Variants in VPS41 observed in about 807,000 individuals in gnomAD.
VPS41 encodes the protein vacuolar protein sorting-associated protein 41 homolog.
A neutral mutation model predicts 130.9 loss-of-function variants in VPS41; 85 were observed. The observed-to-expected ratio is 0.65, with a 90% CI of 0.55 to 0.78. The LOEUF is 0.78. Ranked by LOEUF, VPS41 falls within the 30% of genes least tolerant of loss-of-function variation. The probability of loss-of-function intolerance (pLI) is 0.00; values close to 1 mark genes in which losing one functional copy is unlikely to be tolerated. For synonymous variants in VPS41, 335 were observed against 332.9 expected (o/e 1.01, Z -0.07); for missense variants, 874 against 1,018.7 (o/e 0.86, Z 1.93).
chr7:38,856,778 C>A (rs1424829150), intron 4 of VPS41, among the ~76,000 whole-genome samples: 1 of 152,060 alleles, frequency 6.6e-6, no homozygotes, highest in Non-Finnish European at 1.5e-5. Flanking sequence ...GGGCTACAAT[C>A]CAGGGGAAGT....
chr7:38,776,370 GCA>G (rs1010078641), intron 11 of VPS41, among the ~76,000 whole-genome samples: 12 of 152,144 alleles, frequency 7.9e-5, no homozygotes, highest in African/African-American at 2.4e-4. Context: ...TTCTGCTAAT[GCA>G]CAGTGTCAGC....
chr7:38,835,837 C>CTAGA (rs1785479647), intron 4 of VPS41, among the ~76,000 whole-genome samples: 3 of 151,496 alleles, frequency 2.0e-5, no homozygotes, highest in Non-Finnish European at 4.4e-5. Context: ...ACTAGATGCC[C>CTAGA]TATAATTTGG....
intron 7 of VPS41, among the ~76,000 whole-genome samples, chr7:38,817,054 AT>A (rs1785065278): frequency 6.6e-6 from 1 of 152,080 alleles, no homozygotes; most frequent in African/African-American, 2.4e-5. Flanking sequence ...CCAATCTCTT[AT>A]TTTTTAAATA....
chr7:38,814,547 G>T (rs894478436), intron 7 of VPS41, among the ~76,000 whole-genome samples: 1 of 152,160 alleles, frequency 6.6e-6, no homozygotes, highest in Non-Finnish European at 1.5e-5. Context: ...CTACTCGGGA[G>T]GCTGAGGGAG....
rs1562582665 is a variant in VPS41 at position 38,776,660 on chromosome 7, CT to C, written c.882+18del. The C allele has an allele frequency of 2.8e-6, 4 of 1,448,696 alleles. No homozygotes were observed. The highest frequency in any genetic ancestry group is 3.9e-6 in the Non-Finnish European group (4 of 1,030,042). 89.7% of individuals were successfully genotyped at this position (1,448,696 alleles called of 1,614,324 possible). A position where few individuals can be genotyped will look rare whatever the true frequency, so the allele number is the denominator to read the frequency against. On this transcript the variant is annotated intron_variant, in intron 11 of 28. Transcript: ENST00000310301. ...AGTGAACCCCCACATGCCTTTGTATCTGGGGAGAAAATAATTACCGTTTTTT... is the reference window on the plus strand; with the variant it reads ...AGTGAACCCCCACATGCCTTTGTATCGGGGAGAAAATAATTACCGTTTTTT...
chr7:38,869,047 C>T lies in VPS41; in HGVS notation c.168+99G>A, dbSNP rs193301282. ...GAGCAGTGGCAAGGAGACAGAATCA[C>T]TGTAAAAAGCCACCACCAAAAACAT... On this transcript the variant is annotated intron_variant, in intron 3 of 28. Coordinates refer to ENST00000310301, the MANE Select transcript of VPS41 (RefSeq NM_014396.4). 19 of 863,932 alleles carry T rather than the reference C, an allele frequency of 2.2e-5. No homozygotes were observed. In the African/African-American group the frequency reaches 2.8e-4, roughly 13 times the overall value. 53.5% of individuals were successfully genotyped at this position (863,932 alleles called of 1,614,324 possible).
intron 17 of VPS41, among the ~76,000 whole-genome samples, chr7:38,758,893 C>G (rs1052851108): frequency 2.0e-5 from 3 of 152,200 alleles, no homozygotes; most frequent in African/African-American, 4.8e-5. Context: ...GAGCTGAACA[C>G]CTGGAGGTTC....
Position 38,860,373 on chromosome 7 carries a change from A to G in VPS41, c.246+2172T>C, listed in dbSNP as rs190062078. Among the ~76,000 whole-genome samples, 6 of 152,272 alleles carry G rather than the reference A, an allele frequency of 3.9e-5. No homozygotes were observed. The East Asian group carries it at 9.7e-4, about 25-fold the overall frequency. On this transcript the variant is annotated intron_variant, in intron 4 of 28. Transcript: ENST00000310301. ...CAAATGATAGCTTAGTGATTTTTACATATGTAGATCATGAGAAAACCACCA... is the reference window on the plus strand; with the variant it reads ...CAAATGATAGCTTAGTGATTTTTACGTATGTAGATCATGAGAAAACCACCA...
intron 25 of VPS41, 65 bp downstream of exon 25, chr7:38,741,920 G>C: frequency 6.4e-7 from 1 of 1,570,818 alleles, no homozygotes; most frequent in South Asian, 1.2e-5. Flanking sequence ...ATAAACCCTA[G>C]AAATATTTAT....
At chr7:38,757,998 A>G (rs1783836712) in intron 18 of VPS41, among the ~76,000 whole-genome samples, 1 of 152,194 alleles carries the variant, frequency 6.6e-6, no homozygotes, top group African/African-American at 2.4e-5. Context: ...TTGAGAGATT[A>G]AATTAACTGA....
At chr7:38,884,092 T>A (rs1311416313) in intron 2 of VPS41, among the ~76,000 whole-genome samples, 1 of 152,228 alleles carries the variant, frequency 6.6e-6, no homozygotes, top group African/African-American at 2.4e-5. Flanking sequence ...AATTAATACA[T>A]GTAAAGAATC....
chr7:38,757,246 G>A (rs576072908), intron 18 of VPS41, among the ~76,000 whole-genome samples: 1 of 152,160 alleles, frequency 6.6e-6, no homozygotes, highest in African/African-American at 2.4e-5. Flanking sequence ...CTTTATTGGG[G>A]GTCTCAGTCT....
chr7:38,734,282 T>C lies in VPS41; in HGVS notation c.2260-5491A>G, dbSNP rs558915593. Among the ~76,000 whole-genome samples, 3 of 152,330 alleles carry C rather than the reference T, an allele frequency of 2.0e-5. No homozygotes were observed. In the South Asian group the frequency reaches 6.2e-4, roughly 32 times the overall value. On this transcript the variant is annotated intron_variant, in intron 25 of 28. Transcript: ENST00000310301. ...AGATTATTCAAATCTAGGGGTCAAT[T>C]TCTTCTTACATCCTACTCCAGGATT...
intron 25 of VPS41, among the ~76,000 whole-genome samples, chr7:38,731,068 T>C (rs1795654677): frequency 6.6e-6 from 1 of 152,214 alleles, no homozygotes; most frequent in Admixed American, 6.5e-5. Context: ...AAATACAGCT[T>C]ACTGCTATCT....
intron 5 of VPS41, among the ~76,000 whole-genome samples, chr7:38,822,863 A>C (rs1030900654): frequency 4.6e-5 from 7 of 152,188 alleles, no homozygotes; most frequent in Non-Finnish European, 1.0e-4. Context: ...GGTTATTTAT[A>C]CTCTCAGCAT....
intron 17 of VPS41, among the ~76,000 whole-genome samples, chr7:38,762,093 G>A (rs557475656): frequency 6.6e-6 from 1 of 152,198 alleles, no homozygotes; most frequent in South Asian, 2.1e-4. Flanking sequence ...CAGTCATCTT[G>A]TATGATAAAA....
chr7:38,892,948 C>T (rs372413190), intron 2 of VPS41, among the ~76,000 whole-genome samples: 9 of 152,058 alleles, frequency 5.9e-5, no homozygotes, highest in Middle Eastern at 3.2e-3. Flanking sequence ...CTTTGTCTTC[C>T]GCTACTGCCT....
chr7:38,875,277 A>C (rs1453059698), intron 2 of VPS41, among the ~76,000 whole-genome samples: 4 of 152,178 alleles, frequency 2.6e-5, no homozygotes, highest in Non-Finnish European at 5.9e-5. Context: ...AAAGTACATG[A>C]ATAATATAGG....
chr7:38,823,252 T>C (rs896132719), intron 5 of VPS41, among the ~76,000 whole-genome samples: 5 of 152,200 alleles, frequency 3.3e-5, no homozygotes, highest in African/African-American at 1.2e-4. Context: ...TTTGCTCTTC[T>C]GCCTTCTGCC....
Sources: allele counts gnomAD v4.1 joint callset (sites outside exome capture counted in the v4.1 genomes callset), GRCh38; gene constraint gnomAD v4.1.1; transcripts MANE v1.5; gene names NCBI Gene and HGNC (gene_info 2026-07-23, HGNC 2026-07-21).